The following INSYN2A variants were observed in gnomAD, a reference collection of about 807,000 sequenced individuals.
The protein encoded by INSYN2A is family with sequence similarity 196 member A.
In INSYN2A, 17 loss-of-function variants were observed where a neutral mutation model predicts 39.4. The observed-to-expected ratio is 0.43, with a 90% CI of 0.30 to 0.65. The LOEUF (loss-of-function observed/expected upper bound fraction) is 0.65, where lower values mean the gene tolerates loss of function less well. Among genes scored for constraint, INSYN2A ranks in the 30% least tolerant of loss-of-function variants. The pLI is 0.14. For missense variants in INSYN2A, 595 were observed against 631.2 expected, an observed-to-expected ratio of 0.94 and a Z score of 0.61; for synonymous variants, 255 against 265.7, an observed-to-expected ratio of 0.96 and a Z score of 0.39.
intron 2 of INSYN2A, among the ~76,000 whole-genome samples, chr10:127,188,665 G>A (rs1490105001): frequency 1.3e-5 from 2 of 152,170 alleles, no homozygotes; most frequent in Non-Finnish European, 2.9e-5. Flanking sequence ...TTGGATTTGA[G>A]TTCTGGCCCT....
chr10:127,160,541 C>T (rs2053510181), intron 4 of INSYN2A, among the ~76,000 whole-genome samples: 1 of 152,178 alleles, frequency 6.6e-6, no homozygotes, highest in Non-Finnish European at 1.5e-5. Flanking sequence ...TGTTAATTTT[C>T]AGCCAGTTCA....
In INSYN2A at chr10:127,136,239, CA is replaced by C. The variant is rs1240519567; in HGVS notation, c.*1597del. The C allele has an allele frequency of 6.6e-6, 1 of 151,914 alleles. No individual in the cohort carries two copies. Among genetic ancestry groups the C allele is most frequent in the Non-Finnish European group, 1.5e-5 (1 of 68,008 alleles). The allele number at this position is 151,914 out of a possible 1,614,324, so 9.4% of individuals were successfully genotyped here. A position where few individuals can be genotyped will look rare whatever the true frequency, so the allele number is the denominator to read the frequency against. Reference sequence around the variant, plus strand: ...ACTGATCACTAGGTCCTTGTAGAATCAAAACACTTAGAACTAAAACAGATTT... The same window carrying C: ...ACTGATCACTAGGTCCTTGTAGAATCAAACACTTAGAACTAAAACAGATTT... On this transcript the variant is annotated 3_prime_UTR_variant, in exon 6 of 6. Transcript: ENST00000522781.
At chr10:127,167,497 G>A (rs962494259) in intron 4 of INSYN2A, among the ~76,000 whole-genome samples, 51 of 152,216 alleles carry the variant, frequency 3.4e-4, no homozygotes, top group African/African-American at 1.1e-3. Context: ...GATCTGCAGC[G>A]AGGTTCCCCC....
chr10:127,176,893 C>T lies in INSYN2A; in HGVS notation c.-22G>A, dbSNP rs78565309. 0.05 allele frequency: 7,744 copies of T among 153,690 alleles called. 522 individuals carry two copies. Among genetic ancestry groups the T allele is most frequent in the African/African-American group, 0.15 (6,376 of 41,482 alleles). 9.5% of individuals were successfully genotyped at this position (153,690 alleles called of 1,614,324 possible). On this transcript the variant is annotated 5_prime_UTR_variant, in exon 3 of 6. Coordinates refer to ENST00000522781, the MANE Select transcript of INSYN2A (RefSeq NM_001039762.3). The surrounding 1 kb of genome is among the most constrained non-coding windows in gnomAD (Gnocchi z 4.4). ...AAGACTTACTGGAGCTGCCACGTCT[C>T]GAGCAGATAAATGTGGAGAGCCCTC...
rs1399836078 is a variant in INSYN2A, at chr10:127,190,664, TTCCCCC to T, written c.-269+1935_-269+1940del. Among the ~76,000 whole-genome samples the T allele has an allele frequency of 5.9e-3, 90 of 15,260 alleles. 7 individuals carry two copies. The highest frequency in any genetic ancestry group is 9.4e-3 in the South Asian group (3 of 320). 10.0% of individuals were successfully genotyped at this position (15,260 alleles called of 152,430 possible). ...TCAAATATTTAATAGAAATCCTATC[TTCCCCC>T]CCCCCCCCCCCCCGTTCCTGCTGGC... On this transcript the variant is annotated intron_variant, in intron 2 of 5. Transcript: ENST00000522781.
rs766803598 is a variant in INSYN2A, at chr10:127,137,616, C to G, written c.*221G>C. ...GTTTCATTTCAGATTTTACATCCCA[C>G]ATCAGTGAACTGCAAAGAACAGCTG... On this transcript the variant is annotated 3_prime_UTR_variant, in exon 6 of 6. Transcript: ENST00000522781. 16 of 460,008 alleles carry G rather than the reference C, an allele frequency of 3.5e-5. No homozygotes were observed. The highest frequency in any genetic ancestry group is 6.1e-5 in the Non-Finnish European group (16 of 262,148). 28.5% of individuals were successfully genotyped at this position (460,008 alleles called of 1,614,324 possible).
rs887992564 is a variant in INSYN2A, at chr10:127,183,629, A to G, written c.-268-6490T>C. On this transcript the variant is annotated intron_variant, in intron 2 of 5. Coordinates refer to ENST00000522781, the MANE Select transcript of INSYN2A (RefSeq NM_001039762.3). ...TGCTTGTAATCTTCTCGGCCCTCAT[A>G]CAGTTTGCAGTTCATGGCCTAGTCT... Among the ~76,000 whole-genome samples the G allele has an allele frequency of 2.0e-5, 3 of 152,170 alleles. No individual in the cohort carries two copies. The East Asian group carries it at 5.8e-4, about 29-fold the overall frequency.
intron 2 of INSYN2A, among the ~76,000 whole-genome samples, chr10:127,177,582 A>G (rs1266953934): frequency 6.6e-6 from 1 of 151,950 alleles, no homozygotes; most frequent in Non-Finnish European, 1.5e-5. Context: ...GAGTGCCCAG[A>G]GAGGCAAGGT....
chr10:127,150,239 C>A (rs1446631820), intron 5 of INSYN2A, among the ~76,000 whole-genome samples: 2 of 152,318 alleles, frequency 1.3e-5, no homozygotes, highest in East Asian at 1.9e-4. Flanking sequence ...CACTTTTCTA[C>A]CGAAGAAACT....
At chr10:127,186,442 C>T (rs1380863718) in intron 2 of INSYN2A, among the ~76,000 whole-genome samples, 4 of 146,046 alleles carry the variant, frequency 2.7e-5, no homozygotes, top group South Asian at 4.4e-4. Context: ...TTAACACATC[C>T]GATAGACAAC....
intron 2 of INSYN2A, among the ~76,000 whole-genome samples, chr10:127,189,862 A>AT (rs2056586470): frequency 6.6e-6 from 1 of 151,500 alleles, no homozygotes; most frequent in South Asian, 2.1e-4. Flanking sequence ...GCTGTCATTG[A>AT]TTTTTAAAAT....
rs1396719285 is a variant in INSYN2A, at chr10:127,136,667, C to CT, written c.*1169dup. On this transcript the variant is annotated 3_prime_UTR_variant, in exon 6 of 6. Coordinates refer to ENST00000522781, the MANE Select transcript of INSYN2A (RefSeq NM_001039762.3). ...TGCAATGTGTAATCAAGAGAGAACT[C>CT]TAAGTGTTACTGTTGATTTAAAAAA... 1.3e-5 allele frequency: 2 copies of CT among 152,604 alleles called. No homozygotes were observed. The highest frequency in any genetic ancestry group is 6.5e-5 in the Admixed American group (1 of 15,272). 9.5% of individuals were successfully genotyped at this position (152,604 alleles called of 1,614,324 possible).
At chr10:127,138,476 G>C (rs2050903878) in intron 5 of INSYN2A, among the ~76,000 whole-genome samples, 1 of 152,064 alleles carries the variant, frequency 6.6e-6, no homozygotes, top group Non-Finnish European at 1.5e-5. Context: ...CTATTTCTCT[G>C]ATCTCCCACC....
intron 5 of INSYN2A, among the ~76,000 whole-genome samples, chr10:127,139,636 C>T (rs1194217515): frequency 6.6e-6 from 1 of 152,168 alleles, no homozygotes; most frequent in African/African-American, 2.4e-5. Flanking sequence ...AAATCCGGGC[C>T]TCAGTTCCGT....
rs545410333 is a variant in INSYN2A at position 127,137,809 on chromosome 10, G to A, written c.*28C>T. ...TTAAACTCCAGTGGGTTCTAAAGAC[G>A]GCCTCGAGACTCCAGACACCGTGAG... On this transcript the variant is annotated 3_prime_UTR_variant, in exon 6 of 6. Transcript: ENST00000522781. 1.9e-6 allele frequency: 3 copies of A among 1,591,592 alleles called. No homozygotes were observed. Among genetic ancestry groups the A allele is most frequent in the Admixed American group, 1.8e-5 (1 of 55,826 alleles).
At chr10:127,195,219 A>T (rs527913959) in intron 1 of INSYN2A, among the ~76,000 whole-genome samples, 1 of 152,166 alleles carries the variant, frequency 6.6e-6, no homozygotes, top group African/African-American at 2.4e-5. Flanking sequence ...CTCGCTCTTG[A>T]CTTTGGGCTC....
chr10:127,151,454 T>C (rs1403474601), intron 5 of INSYN2A, among the ~76,000 whole-genome samples: 1 of 152,208 alleles, frequency 6.6e-6, no homozygotes, highest in Admixed American at 6.5e-5. Context: ...TTTGTCATTG[T>C]GACCACTCCA....
chr10:127,172,879 G>A (rs1339256705), intron 4 of INSYN2A, among the ~76,000 whole-genome samples: 2 of 152,202 alleles, frequency 1.3e-5, no homozygotes, highest in African/African-American at 2.4e-5. Context: ...GAAATGTTCC[G>A]TAGCTGCACT....
intron 4 of INSYN2A, among the ~76,000 whole-genome samples, chr10:127,160,937 T>C (rs2053543751): frequency 6.6e-6 from 1 of 152,216 alleles, no homozygotes; most frequent in Non-Finnish European, 1.5e-5. Context: ...TTGAAGGGCT[T>C]TTTCACTTAA....
Sources: allele counts gnomAD v4.1 joint callset (sites outside exome capture counted in the v4.1 genomes callset), GRCh38; gene constraint gnomAD v4.1.1; non-coding constraint Gnocchi (gnomAD v3.1); transcripts MANE v1.5; gene names NCBI Gene and HGNC (gene_info 2026-07-23, HGNC 2026-07-21).